Variants in FYB1 observed in about 807,000 individuals in gnomAD.
FYB1 encodes the protein FYN binding protein 1, also known as FYN-binding protein 1.
Under a neutral mutation model 94.1 loss-of-function variants are expected in FYB1, and 41 were observed. That is an observed-to-expected ratio of 0.44 (90% CI 0.34 to 0.57). FYB1 has a LOEUF of 0.57. Ranked by LOEUF, FYB1 falls within the 20% of genes least tolerant of loss-of-function variation. FYB1 has a pLI of 0.02. For synonymous variants in FYB1, 367 were observed against 353.2 expected (o/e 1.04, Z -0.44); for missense variants, 1,050 against 976.8 (o/e 1.07, Z -1.00).
chr5:39,144,631 G>A (rs1310464403), intron 3 of FYB1, among the ~76,000 whole-genome samples: 4 of 152,002 alleles, frequency 2.6e-5, no homozygotes, highest in South Asian at 2.1e-4. Flanking sequence ...GTGAAACCCC[G>A]TCTCTACTAA....
At chr5:39,210,951 G>T (rs1199260698) in intron 1 of FYB1, 3 of 152,198 alleles carry the variant, frequency 2.0e-5, no homozygotes. Context: ...GCGATAGGAT[G>T]TAGAGAATAT....
chr5:39,111,405 G>C (rs1370253903), intron 16 of FYB1, among the ~76,000 whole-genome samples: 1 of 151,772 alleles, frequency 6.6e-6, no homozygotes, highest in Non-Finnish European at 1.5e-5. Flanking sequence ...TAAGGAGAAA[G>C]CTCATAAGCA....
At chr5:39,223,629 C>T (rs576083368), upstream of FYB1, among the ~76,000 whole-genome samples, 3 of 152,288 alleles carry the variant, frequency 2.0e-5, no homozygotes, top group African/African-American at 4.8e-5. Context: ...GGCTTCCATT[C>T]CCCCATGCAA....
At chr5:39,113,294 C>T (rs1160007627) in intron 16 of FYB1, among the ~76,000 whole-genome samples, 2 of 152,072 alleles carry the variant, frequency 1.3e-5, no homozygotes, top group African/African-American at 4.8e-5. Context: ...CAACAAAAAT[C>T]TCATCATGGT....
intron 1 of FYB1, among the ~76,000 whole-genome samples, chr5:39,210,341 G>A (rs932370686): frequency 1.3e-5 from 2 of 152,328 alleles, no homozygotes; most frequent in East Asian, 1.9e-4. Context: ...CACAGATATC[G>A]CTGTGCATTA....
At chr5:39,177,761 G>A (rs540835240) in intron 2 of FYB1, among the ~76,000 whole-genome samples, 6 of 152,222 alleles carry the variant, frequency 3.9e-5, no homozygotes, top group South Asian at 2.1e-4. Flanking sequence ...GCATGTGTAC[G>A]TGTGTATGCT....
chr5:39,246,758 T>G (rs1400542767), intron 1 of FYB1, among the ~76,000 whole-genome samples: 1 of 152,140 alleles, frequency 6.6e-6, no homozygotes, highest in Non-Finnish European at 1.5e-5. Context: ...GATAGATCCA[T>G]GTAAACTGAA....
At chr5:39,187,789 T>C (rs1746974433) in intron 2 of FYB1, among the ~76,000 whole-genome samples, 2 of 152,140 alleles carry the variant, frequency 1.3e-5, no homozygotes, top group Admixed American at 1.3e-4. Context: ...CTATTTGTTG[T>C]AGTGCTTCCA....
intron 8 of FYB1, 124 bp downstream of exon 8, chr5:39,134,731 T>C: frequency 1.1e-6 from 1 of 947,196 alleles, no homozygotes; most frequent in Non-Finnish European, 1.6e-6. Flanking sequence ...AACATTTTCC[T>C]CCCTTTGTCC....
intron 1 of FYB1, among the ~76,000 whole-genome samples, chr5:39,217,600 T>G (rs918633335): frequency 6.6e-6 from 1 of 152,156 alleles, no homozygotes; most frequent in African/African-American, 2.4e-5. Context: ...ATTTGACAGA[T>G]AAAGAAACTG....
intron 2 of FYB1, among the ~76,000 whole-genome samples, chr5:39,197,503 G>A (rs1411384083): frequency 2.6e-5 from 4 of 152,174 alleles, no homozygotes; most frequent in South Asian, 2.1e-4. Flanking sequence ...CATTTTCCCT[G>A]GAAGTTGCCA....
chr5:39,244,445 T>C (rs1751373831), intron 1 of FYB1, among the ~76,000 whole-genome samples: 2 of 152,202 alleles, frequency 1.3e-5, no homozygotes, highest in East Asian at 1.9e-4. Context: ...ATTATGTTTA[T>C]TGATTTTCGT....
At chr5:39,195,914 G>T (rs148439429) in intron 2 of FYB1, among the ~76,000 whole-genome samples, 1 of 151,910 alleles carries the variant, frequency 6.6e-6, no homozygotes, top group Non-Finnish European at 1.5e-5. Context: ...TAAAAAAAAC[G>T]TTTAGTCTTT....
chr5:39,113,216 C>T (rs547434106), intron 16 of FYB1, among the ~76,000 whole-genome samples: 46 of 152,060 alleles, frequency 3.0e-4, no homozygotes, highest in African/African-American at 1.1e-3. Context: ...TCTCTTTGTT[C>T]ATGTTACACA....
chr5:39,113,623 T>A (rs945615901), intron 16 of FYB1, among the ~76,000 whole-genome samples: 11 of 152,258 alleles, frequency 7.2e-5, no homozygotes, highest in African/African-American at 2.6e-4. Flanking sequence ...TAGAAAATAA[T>A]CTTTGGAAAA....
In FYB1 at chr5:39,159,585, C is replaced by T. The variant is rs182169111; in HGVS notation, c.1136-5981G>A. On this transcript the variant is annotated intron_variant, in intron 2 of 18. Transcript: ENST00000512982. ...TGCCTTCCTCACGTACTACAGATGA[C>T]CTTACCTCTTATTTTACTAAGAACA... 4.7e-3 allele frequency among the ~76,000 whole-genome samples: 715 copies of T among 152,274 alleles called. 14 individuals are homozygous for T. The highest frequency in any genetic ancestry group is 0.021 in the Middle Eastern group (6 of 292).
chr5:39,217,713 G>A (rs964741050), intron 1 of FYB1, among the ~76,000 whole-genome samples: 9 of 152,092 alleles, frequency 5.9e-5, no homozygotes, highest in Non-Finnish European at 1.2e-4. Flanking sequence ...AGTCTTAACC[G>A]CAACCCCTGG....
rs1023936324 is a variant in FYB1 at position 39,134,743 on chromosome 5, C to T, written c.1675+112G>A. The T allele has an allele frequency of 1.7e-5, 19 of 1,098,442 alleles. No individual in the cohort carries two copies. In the South Asian group the frequency reaches 3.0e-4, roughly 17 times the overall value. 68.0% of individuals were successfully genotyped at this position (1,098,442 alleles called of 1,614,324 possible). ...TTTAACATTTTCCTCCCTTTGTCCA[C>T]TCTGTAAAGTACTCCTAACTCGATG... On this transcript the variant is annotated intron_variant, in intron 8 of 18. Transcript: ENST00000512982.
chr5:39,255,028 GT>G (rs1398316418), intron 1 of FYB1, among the ~76,000 whole-genome samples: 3 of 152,014 alleles, frequency 2.0e-5, no homozygotes, highest in Non-Finnish European at 4.4e-5. Context: ...GTTAATAGTG[GT>G]TTTCTTTAGA....
Sources: gnomAD v4.1 joint callset for allele counts (sites outside exome capture counted in the v4.1 genomes callset) on GRCh38, gnomAD v4.1.1 for gene constraint, MANE v1.5 for transcripts, NCBI Gene and HGNC (gene_info 2026-07-23, HGNC 2026-07-21) for gene names.